Variants in CACNG4 observed in about 807,000 individuals in gnomAD.
CACNG4 encodes calcium voltage-gated channel auxiliary subunit gamma 4, also known as voltage-dependent calcium channel gamma-4 subunit.
In CACNG4, 8 loss-of-function variants were observed where a neutral mutation model predicts 22.9. That is an observed-to-expected ratio of 0.35 (90% CI 0.21 to 0.63). The LOEUF (loss-of-function observed/expected upper bound fraction) is 0.63. CACNG4 is among the 30% of genes least tolerant of loss of function. The pLI is 0.72. For synonymous variants in CACNG4, 188 were observed against 191.9 expected (o/e 0.98, Z 0.17); for missense variants, 357 against 455.4 (o/e 0.78, Z 1.97).
At chr17:66,988,611 C>A (rs1366662872) in intron 1 of CACNG4, among the ~76,000 whole-genome samples, 4 of 152,124 alleles carry the variant, frequency 2.6e-5, no homozygotes, top group African/African-American at 9.7e-5. Flanking sequence ...CAGTCGGTTG[C>A]AACAGAGCAG....
rs2035593412 is a variant in CACNG4 at position 67,030,115 on chromosome 17, C to A, written c.446-351C>A. On this transcript the variant is annotated intron_variant, in intron 3 of 3. Transcript: ENST00000262138. This position sits in a 1 kb window ranked among gnomAD's most constrained non-coding sequence, Gnocchi z 6.4. The stretch of plus-strand genomic sequence containing the variant: ...CTCAGATGTACTGTTAAGAGAAAAA[C>A]TAAGCAGCCAGAGTACTGTGCAAAG... Among the ~76,000 whole-genome samples the A allele has an allele frequency of 2.0e-5, 3 of 151,958 alleles. No homozygotes were observed. The highest frequency in any genetic ancestry group is 4.8e-5 in the African/African-American group (2 of 41,338).
intron 1 of CACNG4, among the ~76,000 whole-genome samples, chr17:66,971,415 A>T (rs1174915612): frequency 6.6e-6 from 1 of 152,148 alleles, no homozygotes; most frequent in Non-Finnish European, 1.5e-5. Context: ...CTGTTCCCTC[A>T]TTCATTCTTC....
At chr17:66,981,953 A>C (rs1479292412) in intron 1 of CACNG4, among the ~76,000 whole-genome samples, 4 of 152,226 alleles carry the variant, frequency 2.6e-5, no homozygotes, top group South Asian at 2.1e-4. Context: ...AAATTTTTAG[A>C]GATACGGTCT....
chr17:66,966,205 G>A (rs1206780585), intron 1 of CACNG4, among the ~76,000 whole-genome samples: 2 of 152,184 alleles, frequency 1.3e-5, no homozygotes, highest in Non-Finnish European at 2.9e-5. Flanking sequence ...GCCCGGCTGC[G>A]GAACTTGAAC....
In CACNG4 at chr17:66,970,465, C is replaced by G. The variant is rs554590750; in HGVS notation, c.220+5334C>G. ...TCCCTCTTCCTGGCTTGCAGATGGC[C>G]GGCTTCTTCATGCAAGTTCCACAGG... On this transcript the variant is annotated intron_variant, in intron 1 of 3. Coordinates refer to ENST00000262138, the MANE Select transcript of CACNG4 (RefSeq NM_014405.4). 2.0e-5 allele frequency among the ~76,000 whole-genome samples: 3 copies of G among 152,136 alleles called. No individual in the cohort carries two copies. The South Asian group carries it at 6.2e-4, about 32-fold the overall frequency.
In CACNG4 at chr17:66,965,554, G is replaced by GA. The variant is rs2035164444; in HGVS notation, c.220+424dup. On this transcript the variant is annotated intron_variant, in intron 1 of 3. Transcript: ENST00000262138. ...GGCGGGAGGAGGCTGGGGTTGGGGG[G>GA]AGCGGACGGGAGGGGGGGAGGGGTT... Among the ~76,000 whole-genome samples the GA allele has an allele frequency of 2.8e-5, 4 of 144,990 alleles. No individual in the cohort carries two copies. In the South Asian group the frequency reaches 9.5e-4, roughly 34 times the overall value.
chr17:66,983,690 C>T (rs562054743), intron 1 of CACNG4, among the ~76,000 whole-genome samples: 24 of 152,326 alleles, frequency 1.6e-4, no homozygotes, highest in African/African-American at 5.8e-4. Context: ...GAAAATCATT[C>T]TGCTCGAGAC....
chr17:67,001,270 C>T lies in CACNG4; in HGVS notation c.221-16919C>T, dbSNP rs986804932. On this transcript the variant is annotated intron_variant, in intron 1 of 3. Transcript: ENST00000262138. ...AACCTCTTTTTCTTTATAAATTACCCAGTCTGGGGTATGCCTTTATTAGCA... is the reference window on the plus strand; with the variant it reads ...AACCTCTTTTTCTTTATAAATTACCTAGTCTGGGGTATGCCTTTATTAGCA... Among the ~76,000 whole-genome samples, 17 of 152,098 alleles carry T rather than the reference C, an allele frequency of 1.1e-4. 1 individual carries two copies.
intron 1 of CACNG4, among the ~76,000 whole-genome samples, chr17:66,996,302 G>T (rs1022997728): frequency 6.6e-6 from 1 of 151,736 alleles, no homozygotes; most frequent in Admixed American, 6.6e-5. Context: ...GGAGCCAGGA[G>T]AGAGCAGTGC....
intron 1 of CACNG4, among the ~76,000 whole-genome samples, chr17:67,009,022 T>C (rs895640246): frequency 2.0e-5 from 3 of 151,932 alleles, no homozygotes; most frequent in African/African-American, 7.3e-5. Flanking sequence ...AAGGGGAACT[T>C]TGGACATAGA....
chr17:66,992,094 G>T (rs1246343970), intron 1 of CACNG4, among the ~76,000 whole-genome samples: 2 of 151,578 alleles, frequency 1.3e-5, no homozygotes, highest in Non-Finnish European at 2.9e-5. Context: ...CACGGGGTTT[G>T]TGCCCAGACT....
At chr17:67,016,561 G>A (rs1465611086) in intron 1 of CACNG4, among the ~76,000 whole-genome samples, 5 of 152,194 alleles carry the variant, frequency 3.3e-5, no homozygotes, top group Non-Finnish European at 5.9e-5. Context: ...ACGTGCACCC[G>A]GACCCTGCCG....
chr17:67,010,138 A>T (rs1286326502), intron 1 of CACNG4, among the ~76,000 whole-genome samples: 1 of 151,982 alleles, frequency 6.6e-6, no homozygotes, highest in East Asian at 1.9e-4. Context: ...CTTCTCAAAA[A>T]TCCTAACCTT....
At chr17:66,974,823 G>A (rs1399824190) in intron 1 of CACNG4, among the ~76,000 whole-genome samples, 1 of 152,196 alleles carries the variant, frequency 6.6e-6, no homozygotes, top group Non-Finnish European at 1.5e-5. Flanking sequence ...GGGTCTATCT[G>A]GAGTTGGGCT....
chr17:67,015,716 G>A (rs1014704512), intron 1 of CACNG4, among the ~76,000 whole-genome samples: 1 of 152,198 alleles, frequency 6.6e-6, no homozygotes, highest in African/African-American at 2.4e-5. Flanking sequence ...AGAGCAAATC[G>A]GGAAAGAGGG....
chr17:66,992,693 CTGTTGCGTT>C (rs1414282618), intron 1 of CACNG4, among the ~76,000 whole-genome samples: 1 of 152,232 alleles, frequency 6.6e-6, no homozygotes, highest in Non-Finnish European at 1.5e-5. Context: ...GCCGGAGAGG[CTGTTGCGTT>C]TGCACCGGTT....
At chr17:66,993,190 G>T (rs892827086) in intron 1 of CACNG4, among the ~76,000 whole-genome samples, 16 of 152,260 alleles carry the variant, frequency 1.1e-4, no homozygotes, top group African/African-American at 2.9e-4. Context: ...CCTGTGGTGG[G>T]GGCCTCATGG....
At chr17:67,019,874 G>T (rs2143358674) in intron 2 of CACNG4, 2 of 152,364 alleles carry the variant, frequency 1.3e-5, no homozygotes, top group South Asian at 2.1e-4. Context: ...AAGCCCAGAG[G>T]TCACCCCACA....
chr17:66,965,371 C>T (rs1391745083), intron 1 of CACNG4, among the ~76,000 whole-genome samples: 2 of 150,180 alleles, frequency 1.3e-5, no homozygotes, highest in Non-Finnish European at 3.0e-5. Context: ...TGGGGACCTC[C>T]CCAGCACACC....
Sources: gnomAD v4.1 joint callset for allele counts (sites outside exome capture counted in the v4.1 genomes callset) on GRCh38, gnomAD v4.1.1 for gene constraint, Gnocchi (gnomAD v3.1) non-coding constraint, MANE v1.5 for transcripts, NCBI Gene and HGNC (gene_info 2026-07-23, HGNC 2026-07-21) for gene names.